Variants in CLCA4 observed in about 807,000 individuals in gnomAD.
The protein encoded by CLCA4 is calcium-activated chloride channel regulator 4.
CLCA4 carries 69 observed loss-of-function variants against 78.9 expected under a neutral mutation model. The observed-to-expected ratio is 0.87, with a 90% CI of 0.72 to 1.07. CLCA4 has a LOEUF of 1.07. Among genes scored for constraint, CLCA4 ranks in the 50% least tolerant of loss-of-function variants. CLCA4 has a pLI of 0.00. For synonymous variants in CLCA4, 362 were observed against 375.8 expected (o/e 0.96, Z 0.42); for missense variants, 1,133 against 1,095.8 (o/e 1.03, Z -0.48).
chr1:86,565,665 A>T lies in CLCA4; in HGVS notation c.736-137A>T, dbSNP rs371206003. 62 of 627,664 alleles carry T rather than the reference A, an allele frequency of 9.9e-5. 1 individual carries two copies. Among genetic ancestry groups the T allele is most frequent in the East Asian group, 8.7e-4 (30 of 34,674 alleles). The allele number at this position is 627,664 out of a possible 1,614,324, so 38.9% of individuals were successfully genotyped here. On this transcript the variant is annotated intron_variant, in intron 5 of 13. Coordinates refer to ENST00000370563, the MANE Select transcript of CLCA4 (RefSeq NM_012128.4). The stretch of plus-strand genomic sequence containing the variant: ...TATTATGGTAAATCTACCTTATTGT[A>T]ATATTGATGCTCAGTAAATGATATT...
At chr1:86,547,609 A>G (rs539223789) in intron 1 of CLCA4, among the ~76,000 whole-genome samples, 3 of 152,150 alleles carry the variant, frequency 2.0e-5, no homozygotes, top group Admixed American at 1.3e-4. Context: ...ACTTCTCTTC[A>G]TTTCCTTTCT....
intron 3 of CLCA4, 91 bp downstream of exon 3, chr1:86,560,449 C>A: frequency 7.6e-7 from 1 of 1,313,242 alleles, no homozygotes; most frequent in Non-Finnish European, 1.0e-6. Context: ...GGCCAAAGTC[C>A]CTAGAATCAA....
chr1:86,560,311 C>A lies in CLCA4; in HGVS notation c.401C>A (p.Thr134Asn). The change falls in exon 3 of 14, where the codon ACC (threonine) becomes AAC (asparagine). Residue 134 changes from threonine to asparagine, a missense_variant. Transcript: ENST00000370563. ...GAGAAAGGCGAATACATTCACTTCA[C>A]CCCTGACCTTCTACTTGGAAAAAAA... Reference protein sequence around the residue: ...CGEKGEYIHFTPDLLLGKKQN... With the variant: ...CGEKGEYIHFNPDLLLGKKQN... 6.2e-7 allele frequency: 1 copy of A among 1,614,004 alleles called. No homozygotes were observed. Among genetic ancestry groups the A allele is most frequent in the Non-Finnish European group, 8.5e-7 (1 of 1,179,928 alleles).
chr1:86,551,899 C>CA (rs3835433), intron 1 of CLCA4, among the ~76,000 whole-genome samples: 101,405 of 151,846 alleles, frequency 0.67, 33,882 homozygotes, highest in Admixed American at 0.72. Flanking sequence ...TTTCTAATGA[C>CA]AAAAAAAATG....
chr1:86,579,940 A>G lies in CLCA4; in HGVS notation c.2357-2A>G. 6.5e-7 allele frequency: 1 copy of G among 1,546,082 alleles called. No homozygotes were observed. The highest frequency in any genetic ancestry group is 8.7e-7 in the Non-Finnish European group (1 of 1,144,962). On this transcript the variant is annotated splice_acceptor_variant, in intron 13 of 13. Coordinates refer to ENST00000370563, the MANE Select transcript of CLCA4 (RefSeq NM_012128.4). LOFTEE classifies it high-confidence loss of function. The stretch of plus-strand genomic sequence containing the variant: ...AAACTACATGTAACTTTTTTTTCTC[A>G]GTTCAACGTTATATCATAAGAATAA...
chr1:86,552,532 G>A, intron 1 of CLCA4: 1 of 510,734 alleles, frequency 2.0e-6, no homozygotes, highest in East Asian at 3.4e-5. Context: ...GCAAGGCTGG[G>A]CAGCGGGCGG....
At chr1:86,552,344 C>T (rs150528396) in intron 1 of CLCA4, among the ~76,000 whole-genome samples, 1 of 152,294 alleles carries the variant, frequency 6.6e-6, no homozygotes, top group East Asian at 1.9e-4. Flanking sequence ...CAAAGAGAGA[C>T]GAAGGGCCCA....
intron 3 of CLCA4, among the ~76,000 whole-genome samples, chr1:86,561,079 C>T (rs1284719359): frequency 6.6e-6 from 1 of 152,178 alleles, no homozygotes. Context: ...ATTGAACACT[C>T]GTTAAGTCTC....
chr1:86,548,931 T>G (rs1236315886), intron 1 of CLCA4, among the ~76,000 whole-genome samples: 1 of 152,190 alleles, frequency 6.6e-6, no homozygotes, highest in Non-Finnish European at 1.5e-5. Flanking sequence ...AGTTTCTTGA[T>G]CTGTAAGTTA....
At chr1:86,557,076 C>T (rs1649870607) in intron 1 of CLCA4, among the ~76,000 whole-genome samples, 1 of 151,602 alleles carries the variant, frequency 6.6e-6, no homozygotes, top group Non-Finnish European at 1.5e-5. Flanking sequence ...TTATTTGGAC[C>T]TTCTCTCTTT....
intron 1 of CLCA4, chr1:86,552,964 AG>A: frequency 3.2e-6 from 2 of 631,724 alleles, no homozygotes; most frequent in Non-Finnish European, 5.7e-6. Flanking sequence ...GACTGGGCAA[AG>A]GTTAGAAACT....
In CLCA4 at chr1:86,567,414, T is replaced by A. The variant is rs368027942; in HGVS notation, c.955-10T>A. ...ATCACTTGTTTGTTTTTCTTGTCTT[T>A]TTAATCTAGGGTAAGGACCGCCTAA... On this transcript the variant is annotated splice_polypyrimidine_tract_variant and intron_variant, in intron 6 of 13. Coordinates refer to ENST00000370563, the MANE Select transcript of CLCA4 (RefSeq NM_012128.4). 6.3e-7 allele frequency: 1 copy of A among 1,579,026 alleles called. No homozygotes were observed. The highest frequency in any genetic ancestry group is 8.6e-7 in the Non-Finnish European group (1 of 1,161,948).
Position 86,571,112 on chromosome 1 carries a change from C to T in CLCA4, c.1218C>T (p.Ser406=). The T allele has an allele frequency of 2.5e-6, 4 of 1,612,196 alleles. No individual in the cohort carries two copies. Among genetic ancestry groups the T allele is most frequent in the Non-Finnish European group, 3.4e-6 (4 of 1,178,650 alleles). Residue 406 remains serine, a synonymous_variant, in exon 8 of 14, where the codon TCC becomes TCT. Coordinates refer to ENST00000370563, the MANE Select transcript of CLCA4 (RefSeq NM_012128.4). ...IGELHSQLDG[S]EVLLLTDGED... ...AGCTACATTCCCAACTCGATGGATC[C>T]GAAGTACTGCTGCTGACTGATGGGG... is the stretch of plus-strand genomic sequence containing the variant.
rs1649938836 is a variant in CLCA4, at chr1:86,559,174, T to C, written c.160-758T>C. 2.0e-5 allele frequency among the ~76,000 whole-genome samples: 3 copies of C among 152,194 alleles called. No individual in the cohort carries two copies. The South Asian group carries it at 6.2e-4, about 31-fold the overall frequency. ...TAGTTTGCTTTCTTCTGGGAGGAAC[T>C]ATTTTTCTTATTTGTCCTTGTATGT... On this transcript the variant is annotated intron_variant, in intron 1 of 13. Coordinates refer to ENST00000370563, the MANE Select transcript of CLCA4 (RefSeq NM_012128.4).
chr1:86,575,668 T>C, intron 11 of CLCA4, 69 bp downstream of exon 11: 1 of 1,397,642 alleles, frequency 7.2e-7, no homozygotes, highest in South Asian at 1.3e-5. Context: ...CCCTGTGGCA[T>C]TGTGGAGCAG....
In CLCA4 at chr1:86,571,286, A is replaced by G. The variant is rs1165759778; in HGVS notation, c.1360+32A>G. ...CACGATCCATTTATTCCAGGCCTTCAATAGTAATGCATAAATGTAAAGGCT... is the reference window on the plus strand; with the variant it reads ...CACGATCCATTTATTCCAGGCCTTCGATAGTAATGCATAAATGTAAAGGCT... On this transcript the variant is annotated intron_variant, in intron 8 of 13. Transcript: ENST00000370563. The G allele has an allele frequency of 2.5e-6, 4 of 1,577,592 alleles. No individual in the cohort carries two copies. In the South Asian group the frequency reaches 3.4e-5, roughly 14 times the overall value.
At chr1:86,569,390 G>A (rs1458052298) in intron 7 of CLCA4, among the ~76,000 whole-genome samples, 1 of 151,898 alleles carries the variant, frequency 6.6e-6, no homozygotes, top group African/African-American at 2.4e-5. Context: ...GAGGGGATAT[G>A]AAATGTGGTT....
chr1:86,564,438 C>T (rs538309538), intron 4 of CLCA4, among the ~76,000 whole-genome samples: 207 of 152,198 alleles, frequency 1.4e-3, no homozygotes, highest in South Asian at 1.0e-2. Flanking sequence ...GAGAGTATTA[C>T]ATTTATTGCA....
Position 86,571,197 on chromosome 1 carries a change from T to G in CLCA4, c.1303T>G (p.Phe435Val). 6.2e-7 allele frequency: 1 copy of G among 1,612,988 alleles called. No homozygotes were observed. Among genetic ancestry groups the G allele is most frequent in the Non-Finnish European group, 8.5e-7 (1 of 1,179,216 alleles). Residue 435 changes from phenylalanine (F) to valine (V), a missense_variant, in exon 8 of 14, where the codon TTT becomes GTT. Transcript: ENST00000370563. ...EVKQSGAIVH[F>V]IALGRAADEA... ...GAAACAAAGTGGGGCCATTGTTCAT[T>G]TTATTGCTTTGGGAAGAGCTGCTGA...
Sources: gnomAD v4.1 joint callset for allele counts (sites outside exome capture counted in the v4.1 genomes callset) on GRCh38, gnomAD v4.1.1 for gene constraint, MANE v1.5 for transcripts, NCBI Gene and HGNC (gene_info 2026-07-23, HGNC 2026-07-21) for gene names.